The following SLC16A10 variants were observed in gnomAD, a reference collection of about 807,000 sequenced individuals.
SLC16A10 encodes the protein solute carrier family 16 member 10.
A neutral mutation model predicts 40.0 loss-of-function variants in SLC16A10; 27 were observed. That is an observed-to-expected ratio of 0.67 (90% CI 0.50 to 0.93). The LOEUF (loss-of-function observed/expected upper bound fraction) is 0.93. Among genes scored for constraint, SLC16A10 ranks in the 40% least tolerant of loss-of-function variants. The pLI is 0.00. For synonymous variants in SLC16A10, 213 were observed against 249.8 expected (o/e 0.85, Z 1.39); for missense variants, 529 against 658.2 (o/e 0.80, Z 2.15).
At chr6:111,165,337 TA>T (rs1237401169) in intron 1 of SLC16A10, among the ~76,000 whole-genome samples, 3 of 152,152 alleles carry the variant, frequency 2.0e-5, no homozygotes, top group African/African-American at 4.8e-5. Context: ...GAAGTTATCT[TA>T]GGGCCTCTCA....
chr6:111,175,216 C>G (rs1377639830), intron 2 of SLC16A10, among the ~76,000 whole-genome samples: 2 of 152,174 alleles, frequency 1.3e-5, no homozygotes, highest in South Asian at 2.1e-4. Flanking sequence ...TATCCGACAG[C>G]CTTACTCATT....
chr6:111,161,994 G>C (rs537741015), intron 1 of SLC16A10, among the ~76,000 whole-genome samples: 1 of 152,240 alleles, frequency 6.6e-6, no homozygotes, highest in South Asian at 2.1e-4. Flanking sequence ...ATGATCACTG[G>C]TTGGTTCACA....
chr6:111,182,310 CTTTTTT>C, intron 3 of SLC16A10, among the ~76,000 whole-genome samples: 1 of 103,630 alleles, frequency 9.6e-6, no homozygotes, highest in East Asian at 3.1e-4. Flanking sequence ...CTCTGGGTTT[CTTTTTT>C]TTTTTTTTTT....
chr6:111,174,272 G>A (rs1345639038), intron 2 of SLC16A10, among the ~76,000 whole-genome samples: 2 of 152,002 alleles, frequency 1.3e-5, no homozygotes, highest in Admixed American at 1.3e-4. Flanking sequence ...AAGCGTTAAT[G>A]TGGTCATTAA....
At chr6:111,128,538 GA>G (rs1244232291) in intron 1 of SLC16A10, among the ~76,000 whole-genome samples, 2 of 151,886 alleles carry the variant, frequency 1.3e-5, no homozygotes, top group South Asian at 4.2e-4. Flanking sequence ...TTGGTTTGAA[GA>G]AAAAATATAG....
chr6:111,178,043 G>A (rs1390010065), intron 3 of SLC16A10, among the ~76,000 whole-genome samples: 2 of 152,164 alleles, frequency 1.3e-5, no homozygotes, highest in Non-Finnish European at 2.9e-5. Context: ...CAAACACAAT[G>A]TTTTTTAACA....
intron 1 of SLC16A10, among the ~76,000 whole-genome samples, chr6:111,138,186 A>G (rs1771916364): frequency 6.6e-6 from 1 of 152,264 alleles, no homozygotes; most frequent in Admixed American, 6.5e-5. Flanking sequence ...TAAAAGTCCT[A>G]CACTAACATT....
chr6:111,186,059 A>T (rs1006846439), intron 3 of SLC16A10, among the ~76,000 whole-genome samples: 5 of 152,008 alleles, frequency 3.3e-5, no homozygotes, highest in Admixed American at 3.3e-4. Context: ...ACCACCACAC[A>T]TGGCTAATTT....
At chr6:111,121,695 GT>G (rs941343458) in intron 1 of SLC16A10, among the ~76,000 whole-genome samples, 2 of 151,964 alleles carry the variant, frequency 1.3e-5, no homozygotes, top group African/African-American at 4.8e-5. Context: ...TTTTCCTTTG[GT>G]TTTTTTTCCA....
rs1770995012 is a variant in SLC16A10, at chr6:111,226,288, A to C, written c.*4053A>C. 6.6e-6 allele frequency: 1 copy of C among 152,136 alleles called. No homozygotes were observed. The highest frequency in any genetic ancestry group is 2.4e-5 in the African/African-American group (1 of 41,426). 9.4% of individuals were successfully genotyped at this position (152,136 alleles called of 1,614,324 possible). A position where few individuals can be genotyped will look rare whatever the true frequency, so the allele number is the denominator to read the frequency against. On this transcript the variant is annotated 3_prime_UTR_variant, in exon 6 of 6. Transcript: ENST00000368851. ...TAAATCTTAGTTCCGAGAGCCCAGC[A>C]TGAAGGGTGACTGGGAATGTAGTGT...
chr6:111,093,323 C>T (rs1366844573), intron 1 of SLC16A10, among the ~76,000 whole-genome samples: 2 of 152,204 alleles, frequency 1.3e-5, no homozygotes, highest in South Asian at 2.1e-4. Flanking sequence ...CGCAACTCTA[C>T]ACTCCCTGTA....
In SLC16A10 at chr6:111,171,636, C is replaced by A. The variant is rs190453253; in HGVS notation, c.344-1059C>A. On this transcript the variant is annotated intron_variant, in intron 1 of 5. Coordinates refer to ENST00000368851, the MANE Select transcript of SLC16A10 (RefSeq NM_018593.5). ...TTCAAGACCAGCCTGGGCAACCTGG[C>A]AAAACCTTGTTTCTACAAAAAGTAC... Among the ~76,000 whole-genome samples, 176 of 152,008 alleles carry A rather than the reference C, an allele frequency of 1.2e-3. 1 individual carries two copies. Among genetic ancestry groups the A allele is most frequent in the African/African-American group, 4.1e-3 (169 of 41,470 alleles).
chr6:111,218,136 T>G (rs984067410), intron 4 of SLC16A10, among the ~76,000 whole-genome samples: 5 of 152,126 alleles, frequency 3.3e-5, no homozygotes, highest in Admixed American at 6.5e-5. Context: ...TAAAAAAAAA[T>G]CAAGTGTTTA....
rs746376203 is a variant in SLC16A10 at position 111,088,072 on chromosome 6, A to G, written c.320A>G (p.Asp107Gly). 62 of 1,607,170 alleles carry G rather than the reference A, an allele frequency of 3.9e-5. No individual in the cohort carries two copies. The highest frequency in any genetic ancestry group is 5.1e-5 in the Non-Finnish European group (60 of 1,177,174). ...SMLETFGSKD[D>G]DKMVFKTAWV... ...CTGGAAACCTTCGGCTCCAAAGACG[A>G]TGACAAGATGGTCTTTAAGACAGGT... Residue 107 changes from aspartate (D) to glycine (G), a missense_variant, in exon 1 of 6, where the codon GAT becomes GGT. By Grantham distance (94) the Asp-to-Gly change is moderately conservative. Coordinates refer to ENST00000368851, the MANE Select transcript of SLC16A10 (RefSeq NM_018593.5).
chr6:111,141,832 A>G (rs946585516), intron 1 of SLC16A10, among the ~76,000 whole-genome samples: 1 of 152,258 alleles, frequency 6.6e-6, no homozygotes, highest in Non-Finnish European at 1.5e-5. Context: ...TTCCATGTTC[A>G]TGGATAGGAA....
At chr6:111,134,456 G>A (rs1035691379) in intron 1 of SLC16A10, among the ~76,000 whole-genome samples, 7 of 152,028 alleles carry the variant, frequency 4.6e-5, no homozygotes, top group Admixed American at 1.3e-4. Context: ...TCCAAAGTCC[G>A]CCTTAGGCCC....
intron 3 of SLC16A10, among the ~76,000 whole-genome samples, chr6:111,182,825 C>T (rs1258554034): frequency 1.3e-5 from 2 of 152,166 alleles, no homozygotes; most frequent in African/African-American, 2.4e-5. Flanking sequence ...CTTTCTTGCA[C>T]ACCATAGTCC....
intron 4 of SLC16A10, among the ~76,000 whole-genome samples, chr6:111,211,594 A>G (rs554022180): frequency 6.6e-6 from 1 of 152,344 alleles, no homozygotes; most frequent in Non-Finnish European, 1.5e-5. Flanking sequence ...AAGCCTGAGA[A>G]GGAGAAAGAA....
At chr6:111,182,777 T>TGA (rs1392198061) in intron 3 of SLC16A10, among the ~76,000 whole-genome samples, 4 of 152,194 alleles carry the variant, frequency 2.6e-5, no homozygotes. Context: ...CCCTTTCAGT[T>TGA]GATCAGACTC....
Sources: gnomAD v4.1 joint callset for allele counts (sites outside exome capture counted in the v4.1 genomes callset) on GRCh38, gnomAD v4.1.1 for gene constraint, MANE v1.5 for transcripts, NCBI Gene and HGNC (gene_info 2026-07-23, HGNC 2026-07-21) for gene names.